Variants in TSPAN9 observed in about 807,000 individuals in gnomAD.
TSPAN9 encodes tetraspanin 9.
In TSPAN9, 16 loss-of-function variants were observed where a neutral mutation model predicts 31.0. That is an observed-to-expected ratio of 0.52 (90% CI 0.35 to 0.78). The LOEUF (loss-of-function observed/expected upper bound fraction) is 0.78, where lower values mean the gene tolerates loss of function less well. TSPAN9 is among the 30% of genes least tolerant of loss of function. TSPAN9 has a pLI of 0.01. For synonymous variants in TSPAN9, 145 were observed against 121.6 expected (o/e 1.19, Z -1.27); for missense variants, 272 against 312.5 (o/e 0.87, Z 0.98).
chr12:3,266,346 G>A (rs1034185692), intron 3 of TSPAN9, among the ~76,000 whole-genome samples: 30 of 152,342 alleles, frequency 2.0e-4, no homozygotes, highest in Middle Eastern at 3.4e-3. Context: ...ATGCCACTGG[G>A]TTGGGAGAAT....
At chr12:3,152,608 C>T (rs1015062725) in intron 2 of TSPAN9, among the ~76,000 whole-genome samples, 19 of 131,074 alleles carry the variant, frequency 1.4e-4, no homozygotes, top group African/African-American at 2.5e-4. Context: ...TTTTTTGAGA[C>T]GGAGTCTCGC....
At chr12:3,151,953 T>G (rs1037606854) in intron 2 of TSPAN9, among the ~76,000 whole-genome samples, 1 of 152,038 alleles carries the variant, frequency 6.6e-6, no homozygotes, top group Admixed American at 6.5e-5. Context: ...ACAGCCGATC[T>G]TTGGAATTGA....
intron 3 of TSPAN9, among the ~76,000 whole-genome samples, chr12:3,245,892 C>T (rs756394840): frequency 1.1e-4 from 17 of 151,578 alleles, no homozygotes; most frequent in East Asian, 4.0e-4. Context: ...CTGACTGTGG[C>T]GCAGAGAGGA....
intron 1 of TSPAN9, among the ~76,000 whole-genome samples, chr12:3,081,986 G>T (rs192234461): frequency 2.1e-4 from 32 of 151,498 alleles, no homozygotes; most frequent in African/African-American, 4.1e-4. Flanking sequence ...AACAGAGCGA[G>T]AATTCTGTCT....
intron 2 of TSPAN9, among the ~76,000 whole-genome samples, chr12:3,127,737 A>G (rs1466897939): frequency 6.6e-6 from 1 of 152,196 alleles, no homozygotes; most frequent in Non-Finnish European, 1.5e-5. Flanking sequence ...CCAGTAACAT[A>G]GTTGTTTATT....
intron 2 of TSPAN9, among the ~76,000 whole-genome samples, chr12:3,199,650 C>T (rs1197195187): frequency 6.6e-6 from 1 of 152,214 alleles, no homozygotes; most frequent in African/African-American, 2.4e-5. Flanking sequence ...TTCCAGCCGC[C>T]GCAGCGTCCC....
At chr12:3,244,491 G>A (rs113024161) in intron 3 of TSPAN9, among the ~76,000 whole-genome samples, 141 of 152,332 alleles carry the variant, frequency 9.3e-4, no homozygotes, top group African/African-American at 2.8e-3. Flanking sequence ...CGTGAGGTGC[G>A]CAGATGGGGG....
rs1159026495 is a variant in TSPAN9 at position 3,286,120 on chromosome 12, CCT to C, written c.*3008_*3009del. The C allele has an allele frequency of 6.5e-6, 1 of 152,756 alleles. No individual in the cohort carries two copies. Among genetic ancestry groups the C allele is most frequent in the Non-Finnish European group, 1.5e-5 (1 of 68,098 alleles). The allele number at this position is 152,756 out of a possible 1,614,324, so 9.5% of individuals were successfully genotyped here. A position where few individuals can be genotyped will look rare whatever the true frequency, so the allele number is the denominator to read the frequency against. On this transcript the variant is annotated 3_prime_UTR_variant, in exon 9 of 9. Coordinates refer to ENST00000011898, the MANE Select transcript of TSPAN9 (RefSeq NM_006675.5). This position sits in a 1 kb window ranked among gnomAD's most constrained non-coding sequence, Gnocchi z 4.1. ...GGGTGGATGGAAGTGGCTGTCCCCTCCTCTCCAGCCCCTGCCCACCCACTGGT... is the reference window on the plus strand; with the variant it reads ...GGGTGGATGGAAGTGGCTGTCCCCTCCTCCAGCCCCTGCCCACCCACTGGT...
intron 3 of TSPAN9, among the ~76,000 whole-genome samples, chr12:3,249,095 C>G (rs3782787): frequency 0.24 from 36,660 of 152,196 alleles, 4,886 homozygotes; most frequent in Non-Finnish European, 0.27. Context: ...CGATACAGGC[C>G]TGCCAGAGTC....
intron 3 of TSPAN9, among the ~76,000 whole-genome samples, chr12:3,210,146 AAG>A (rs1555152418): frequency 1.3e-5 from 2 of 151,548 alleles, no homozygotes; most frequent in Admixed American, 1.3e-4. Context: ...AAAAAAAAAA[AAG>A]AAAAAAAAGT....
intron 2 of TSPAN9, among the ~76,000 whole-genome samples, chr12:3,138,207 C>T (rs977442932): frequency 3.3e-5 from 5 of 152,144 alleles, no homozygotes; most frequent in East Asian, 1.9e-4. Context: ...CTGCCTGGGG[C>T]GGGTGTAGCT....
chr12:3,216,504 C>T (rs1051214474), intron 3 of TSPAN9, among the ~76,000 whole-genome samples: 7 of 152,166 alleles, frequency 4.6e-5, no homozygotes, highest in Non-Finnish European at 8.8e-5. Context: ...ATTTTCGTAC[C>T]GTCTCAAAGC....
At chr12:3,096,567 C>T (rs908629940) in intron 2 of TSPAN9, among the ~76,000 whole-genome samples, 1 of 152,036 alleles carries the variant, frequency 6.6e-6, no homozygotes. Flanking sequence ...CACTTGTGAT[C>T]TAAGAGATGT....
chr12:3,145,425 C>T (rs613063), intron 2 of TSPAN9, among the ~76,000 whole-genome samples: 2,298 of 152,212 alleles, frequency 0.015, 69 homozygotes, highest in African/African-American at 0.052. Flanking sequence ...TCCTCCCGTC[C>T]CTAGGAGGTG....
At chr12:3,255,106 C>T (rs1862321210) in intron 3 of TSPAN9, among the ~76,000 whole-genome samples, 1 of 152,220 alleles carries the variant, frequency 6.6e-6, no homozygotes, top group South Asian at 2.1e-4. Flanking sequence ...TAGCAATGCA[C>T]AATCAGGAGA....
In TSPAN9 at chr12:3,285,960, C is replaced by A. The variant is rs1020702612; in HGVS notation, c.*2844C>A. 2.6e-5 allele frequency: 4 copies of A among 152,510 alleles called. No homozygotes were observed. The highest frequency in any genetic ancestry group is 9.6e-5 in the African/African-American group (4 of 41,460). The allele number at this position is 152,510 out of a possible 1,614,324, so 9.4% of individuals were successfully genotyped here. A position where few individuals can be genotyped will look rare whatever the true frequency, so the allele number is the denominator to read the frequency against. On this transcript the variant is annotated 3_prime_UTR_variant, in exon 9 of 9. Transcript: ENST00000011898. ...CCCCCAGCTTGAGCCGTGTCACCCC[C>A]CTCTCCCTCCAGCATGGGCCTGTGT...
At chr12:3,085,122 C>T (rs1435133653) in intron 2 of TSPAN9, among the ~76,000 whole-genome samples, 2 of 152,020 alleles carry the variant, frequency 1.3e-5, no homozygotes, top group East Asian at 3.9e-4. Context: ...GTGGCTCACG[C>T]CTGGAATCCC....
rs541077673 is a variant in TSPAN9, at chr12:3,241,388, A to C, written c.64-37033A>C. On this transcript the variant is annotated intron_variant, in intron 3 of 8. Coordinates refer to ENST00000011898, the MANE Select transcript of TSPAN9 (RefSeq NM_006675.5). Reference sequence around the variant, plus strand: ...GTCTAATTATATATTATGAACATACATACTGTAAAGTTTGCTCTTTTTGGT... The same window carrying C: ...GTCTAATTATATATTATGAACATACCTACTGTAAAGTTTGCTCTTTTTGGT... Among the ~76,000 whole-genome samples, 9 of 152,368 alleles carry C rather than the reference A, an allele frequency of 5.9e-5. No individual in the cohort carries two copies. The South Asian group carries it at 6.2e-4, about 11-fold the overall frequency.
At chr12:3,081,422 C>T (rs1049031927) in intron 1 of TSPAN9, among the ~76,000 whole-genome samples, 3 of 152,132 alleles carry the variant, frequency 2.0e-5, no homozygotes, top group African/African-American at 7.2e-5. Flanking sequence ...GCATGCTTTG[C>T]GCGTTCCTTC....
Sources: allele counts gnomAD v4.1 joint callset (sites outside exome capture counted in the v4.1 genomes callset), GRCh38; gene constraint gnomAD v4.1.1; non-coding constraint Gnocchi (gnomAD v3.1); transcripts MANE v1.5; gene names NCBI Gene and HGNC (gene_info 2026-07-23, HGNC 2026-07-21).